SPIRE1: variants seen among roughly 807,000 people sequenced by gnomAD.
The protein encoded by SPIRE1 is protein spire homolog 1.
Under a neutral mutation model 94.1 loss-of-function variants are expected in SPIRE1, and 40 were observed. The ratio of observed to expected loss-of-function variants is 0.43; its 90% CI spans 0.33 to 0.55. The LOEUF is 0.55. SPIRE1 is among the 20% of genes least tolerant of loss of function. The pLI is 0.06. For missense variants in SPIRE1, 838 were observed against 975.2 expected (o/e 0.86, Z 1.87); for synonymous variants, 376 against 371.7 (o/e 1.01, Z -0.13).
intron 2 of SPIRE1, among the ~76,000 whole-genome samples, chr18:12,632,674 C>T (rs944493626): frequency 6.6e-6 from 1 of 151,868 alleles, no homozygotes; most frequent in African/African-American, 2.4e-5. Context: ...TTTTTGTTTC[C>T]TTGTGTTTTG....
chr18:12,626,375 A>G (rs1341826555), intron 2 of SPIRE1, among the ~76,000 whole-genome samples: 1 of 152,170 alleles, frequency 6.6e-6, no homozygotes, highest in Admixed American at 6.6e-5. Flanking sequence ...TCAACTATAT[A>G]GAACAATTCT....
intron 1 of SPIRE1, among the ~76,000 whole-genome samples, chr18:12,646,904 C>T (rs1191501701): frequency 1.3e-5 from 2 of 152,012 alleles, no homozygotes; most frequent in South Asian, 2.1e-4. Context: ...ATTAGCCAGG[C>T]GTGGTGGTGC....
intron 10 of SPIRE1, among the ~76,000 whole-genome samples, chr18:12,467,290 C>G (rs998486371): frequency 1.3e-5 from 2 of 151,962 alleles, no homozygotes; most frequent in South Asian, 4.1e-4. Flanking sequence ...AAAACAAAAA[C>G]CAAAAAACCC....
intron 10 of SPIRE1, among the ~76,000 whole-genome samples, chr18:12,467,345 T>C (rs758034292): frequency 6.6e-6 from 1 of 152,194 alleles, no homozygotes; most frequent in Non-Finnish European, 1.5e-5. Flanking sequence ...GGACTTATCA[T>C]GAACACCAAA....
chr18:12,655,412 CA>C (rs1428764954), intron 1 of SPIRE1, among the ~76,000 whole-genome samples: 1 of 152,104 alleles, frequency 6.6e-6, no homozygotes, highest in African/African-American at 2.4e-5. Context: ...TTCTTAAAGC[CA>C]ATGAGGAAAT....
intron 2 of SPIRE1, among the ~76,000 whole-genome samples, chr18:12,600,415 G>C (rs1214096559): frequency 6.6e-6 from 1 of 152,094 alleles, no homozygotes; most frequent in African/African-American, 2.4e-5. Flanking sequence ...AGATTACTCC[G>C]GTATACTATT....
rs2035620549 is a variant in SPIRE1, at chr18:12,559,400, T to C, written c.373-12496A>G. Among the ~76,000 whole-genome samples the C allele has an allele frequency of 6.6e-6, 1 of 152,132 alleles. No individual in the cohort carries two copies. Among genetic ancestry groups the C allele is most frequent in the Non-Finnish European group, 1.5e-5 (1 of 67,998 alleles). ...GCTCTGAGTGCTGGCCGGGCGAGAC[T>C]GCACCCACCCGGAACTCGTGCTGGC... On this transcript the variant is annotated intron_variant, in intron 2 of 16. Transcript: ENST00000409402. The surrounding 1 kb of genome is among the most constrained non-coding windows in gnomAD (Gnocchi z 4.7).
At chr18:12,550,561 T>C (rs1316316125) in intron 2 of SPIRE1, among the ~76,000 whole-genome samples, 1 of 152,086 alleles carries the variant, frequency 6.6e-6, no homozygotes, top group Non-Finnish European at 1.5e-5. Context: ...GAGGTCTTGC[T>C]ATGTTGCGCA....
Position 12,513,989 on chromosome 18 carries a change from G to A in SPIRE1, c.730-1458C>T, listed in dbSNP as rs112137737. Among the ~76,000 whole-genome samples, 655 of 152,146 alleles carry A rather than the reference G, an allele frequency of 4.3e-3. 5 individuals are homozygous for A. Among genetic ancestry groups the A allele is most frequent in the African/African-American group, 0.015 (631 of 41,496 alleles). ...CTCCCAAGTAACTGGCACTACAGGT[G>A]TGCACCCCTATGCCTGGCTAATTTT... On this transcript the variant is annotated intron_variant, in intron 4 of 16. Transcript: ENST00000409402.
intron 4 of SPIRE1, among the ~76,000 whole-genome samples, chr18:12,515,516 C>CA (rs1485300106): frequency 2.6e-5 from 4 of 151,654 alleles, no homozygotes; most frequent in Non-Finnish European, 4.4e-5. Flanking sequence ...AACCCTGTCT[C>CA]AAAAAAATAA....
At chr18:12,527,959 G>A (rs1016961041) in intron 4 of SPIRE1, among the ~76,000 whole-genome samples, 1 of 151,622 alleles carries the variant, frequency 6.6e-6, no homozygotes, top group African/African-American at 2.4e-5. Context: ...CCAGCTACTA[G>A]AGAGGCTGAG....
Position 12,624,078 on chromosome 18 carries a change from C to G in SPIRE1, c.372+10984G>C, listed in dbSNP as rs75740159. 2.4e-3 allele frequency among the ~76,000 whole-genome samples: 356 copies of G among 150,762 alleles called. 4 individuals are homozygous for G. Among genetic ancestry groups the G allele is most frequent in the Admixed American group, 0.022 (335 of 15,160 alleles). On this transcript the variant is annotated intron_variant, in intron 2 of 16. Coordinates refer to ENST00000409402, the MANE Select transcript of SPIRE1 (RefSeq NM_001128626.2). ...AGCTGGGATTACAGGCACGTGTCAC[C>G]ACACCCAACTAATTTTGTATTTTTA... is the stretch of plus-strand genomic sequence containing the variant.
At chr18:12,482,500 A>G (rs555480450) in intron 9 of SPIRE1, among the ~76,000 whole-genome samples, 1 of 152,168 alleles carries the variant, frequency 6.6e-6, no homozygotes, top group African/African-American at 2.4e-5. Context: ...TTTGCTGCAG[A>G]AAAAAAATAC....
chr18:12,570,711 A>T (rs1291639262), intron 2 of SPIRE1, among the ~76,000 whole-genome samples: 1 of 151,732 alleles, frequency 6.6e-6, no homozygotes, highest in East Asian at 1.9e-4. Context: ...CCATAATTCT[A>T]CTCTCCCACA....
At chr18:12,613,571 A>T (rs192667378) in intron 2 of SPIRE1, among the ~76,000 whole-genome samples, 5 of 152,350 alleles carry the variant, frequency 3.3e-5, no homozygotes, top group Admixed American at 3.3e-4. Context: ...GAAAGACTTC[A>T]TAAGAAAAAA....
chr18:12,486,608 A>G (rs921932224), intron 8 of SPIRE1, among the ~76,000 whole-genome samples: 1 of 152,242 alleles, frequency 6.6e-6, no homozygotes, highest in African/African-American at 2.4e-5. Flanking sequence ...GTGTGACCCC[A>G]GGCAAGTTAC....
At chr18:12,625,036 T>G (rs2037581567) in intron 2 of SPIRE1, among the ~76,000 whole-genome samples, 1 of 147,014 alleles carries the variant, frequency 6.8e-6, no homozygotes, top group African/African-American at 2.5e-5. Flanking sequence ...AAGGTCATTT[T>G]AGTAATAAAT....
At position 12,449,883 on chromosome 18, in the gene SPIRE1, A is replaced by G; in HGVS notation, c.2026T>C (p.Ser676Pro). 1 of 1,614,042 alleles carries G rather than the reference A, an allele frequency of 6.2e-7. No homozygotes were observed. Among genetic ancestry groups the G allele is most frequent in the South Asian group, 1.1e-5 (1 of 91,072 alleles). Reference protein sequence around the residue: ...LRSIARFSSKSKSMDKSDEEL... With the variant: ...LRSIARFSSKPKSMDKSDEEL... The stretch of plus-strand genomic sequence containing the variant: ...TCATCTGATTTGTCCATAGACTTAG[A>G]TTTTGAGGAGAACCTGGGGTGAAAA... The change falls in exon 17 of 17, where the codon TCT becomes CCT. Residue 676 changes from serine to proline, a missense_variant. Coordinates refer to ENST00000409402, the MANE Select transcript of SPIRE1 (RefSeq NM_001128626.2).
intron 1 of SPIRE1, among the ~76,000 whole-genome samples, chr18:12,652,503 C>A (rs747078794): frequency 6.6e-5 from 10 of 152,168 alleles, no homozygotes; most frequent in Non-Finnish European, 1.0e-4. Flanking sequence ...ACTTCTTAAC[C>A]ATACTGCTCA....
Sources: gnomAD v4.1 joint callset for allele counts (sites outside exome capture counted in the v4.1 genomes callset) on GRCh38, gnomAD v4.1.1 for gene constraint, Gnocchi (gnomAD v3.1) non-coding constraint, MANE v1.5 for transcripts, NCBI Gene and HGNC (gene_info 2026-07-23, HGNC 2026-07-21) for gene names.